Variants in NME8 observed in about 807,000 individuals in gnomAD.
The protein encoded by NME8 is protein NME8.
In NME8, 72 loss-of-function variants were observed where a neutral mutation model predicts 82.3. That is an observed-to-expected ratio of 0.87 (90% CI 0.72 to 1.06). The LOEUF is 1.06. Ranked by LOEUF, NME8 falls within the 50% of genes least tolerant of loss-of-function variation. The probability of loss-of-function intolerance (pLI) is 0.00; values close to 1 mark genes in which losing one functional copy is unlikely to be tolerated. For synonymous variants in NME8, 267 were observed against 228.5 expected, an observed-to-expected ratio of 1.17 and a Z score of -1.52; for missense variants, 712 against 685.4, an observed-to-expected ratio of 1.04 and a Z score of -0.43.
At chr7:37,873,276 C>G (rs1476119836) in intron 11 of NME8, among the ~76,000 whole-genome samples, 1 of 149,002 alleles carries the variant, frequency 6.7e-6, no homozygotes, top group East Asian at 2.0e-4. Context: ...AGGAGAATTG[C>G]TTGAACCCAG....
chr7:37,855,059 C>T (rs575435919), intron 5 of NME8, among the ~76,000 whole-genome samples: 6 of 152,222 alleles, frequency 3.9e-5, no homozygotes, highest in South Asian at 4.1e-4. Context: ...TAGAGTACCA[C>T]GTGTAATGAG....
At chr7:37,892,150 A>T (rs902587558) in intron 15 of NME8, among the ~76,000 whole-genome samples, 10 of 152,054 alleles carry the variant, frequency 6.6e-5, no homozygotes, top group African/African-American at 2.4e-4. Context: ...TTGCCAGAAG[A>T]AAGTGTTAAT....
At chr7:37,855,364 G>T (rs1784495383) in intron 5 of NME8, among the ~76,000 whole-genome samples, 1 of 152,104 alleles carries the variant, frequency 6.6e-6, no homozygotes, top group African/African-American at 2.4e-5. Context: ...CAAGGATTGG[G>T]GGTTAGCAGT....
chr7:37,891,703 C>T (rs776175467), intron 15 of NME8, among the ~76,000 whole-genome samples: 12 of 151,878 alleles, frequency 7.9e-5, no homozygotes, highest in Admixed American at 3.9e-4. Flanking sequence ...AAAGCCCCTT[C>T]CTCATCCTTC....
intron 16 of NME8, among the ~76,000 whole-genome samples, chr7:37,895,441 C>A (rs369522703): frequency 6.6e-6 from 1 of 152,044 alleles, no homozygotes; most frequent in Non-Finnish European, 1.5e-5. Context: ...AACATAGGAC[C>A]AGGGCTAGAA....
rs371392074 is a variant in NME8, at chr7:37,863,341, A to T, written c.388-55A>T. 5.8e-6 allele frequency: 6 copies of T among 1,030,928 alleles called. 1 individual carries two copies. Among genetic ancestry groups the T allele is most frequent in the South Asian group, 3.8e-5 (3 of 78,546 alleles). The allele number at this position is 1,030,928 out of a possible 1,614,324, so 63.9% of individuals were successfully genotyped here. On this transcript the variant is annotated intron_variant, in intron 7 of 17. Coordinates refer to ENST00000199447, the MANE Select transcript of NME8 (RefSeq NM_016616.5). The stretch of plus-strand genomic sequence containing the variant: ...ATACAAAATTTCTAAAAACCCACTC[A>T]CTATCATATTAAAACATAACTGTGT...
chr7:37,892,583 A>G (rs1785146313), intron 15 of NME8, among the ~76,000 whole-genome samples: 1 of 151,570 alleles, frequency 6.6e-6, no homozygotes, highest in South Asian at 2.1e-4. Flanking sequence ...TGTATCTATC[A>G]CTTTCCCTAT....
At chr7:37,854,767 C>G (rs1357451601) in intron 5 of NME8, among the ~76,000 whole-genome samples, 1 of 151,238 alleles carries the variant, frequency 6.6e-6, no homozygotes, top group Non-Finnish European at 1.5e-5. Flanking sequence ...TCTCTCAGCT[C>G]TTGGATTTCT....
chr7:37,867,912 C>G lies in NME8; in HGVS notation c.818+14C>G. Reference sequence around the variant, plus strand: ...CAAACAAGACAGGTATAGCTCAAGACCAGGAATTGTGTTACTTGCAATGTG... The same window carrying G: ...CAAACAAGACAGGTATAGCTCAAGAGCAGGAATTGTGTTACTTGCAATGTG... On this transcript the variant is annotated intron_variant, in intron 11 of 17. Coordinates refer to ENST00000199447, the MANE Select transcript of NME8 (RefSeq NM_016616.5). 6.2e-7 allele frequency: 1 copy of G among 1,610,674 alleles called. No individual in the cohort carries two copies. The highest frequency in any genetic ancestry group is 2.2e-5 in the East Asian group (1 of 44,686).
In NME8 at chr7:37,897,014, C is replaced by G. The variant is rs138317061; in HGVS notation, c.1689C>G (p.Asn563Lys). Reference protein sequence around the residue: ...RAQFGISKLKNIVHGASNAYE... With the variant: ...RAQFGISKLKKIVHGASNAYE... ...AGTTTGGAATAAGTAAATTGAAAAACATTGTCCATGGAGCATCTAACGCCT... is the reference window on the plus strand; with the variant it reads ...AGTTTGGAATAAGTAAATTGAAAAAGATTGTCCATGGAGCATCTAACGCCT... Residue 563 changes from asparagine to lysine, a missense_variant, in exon 17 of 18, where the codon AAC (asparagine) becomes AAG (lysine). Transcript: ENST00000199447. 2.5e-5 allele frequency: 40 copies of G among 1,613,928 alleles called. No individual in the cohort carries two copies. The African/African-American group carries it at 4.9e-4, about 20-fold the overall frequency.
intron 6 of NME8, among the ~76,000 whole-genome samples, chr7:37,859,842 A>C (rs902515091): frequency 8.5e-5 from 13 of 152,182 alleles, no homozygotes; most frequent in Non-Finnish European, 1.2e-4. Context: ...AACTTCATCG[A>C]ATCACTCCTG....
At chr7:37,864,578 A>G (rs1025403702) in intron 9 of NME8, among the ~76,000 whole-genome samples, 157 bp downstream of exon 9, 1 of 152,166 alleles carries the variant, frequency 6.6e-6, no homozygotes, top group African/African-American at 2.4e-5. Context: ...ATGTCTTTAC[A>G]AGGCTCGATC....
At chr7:37,871,939 C>G (rs541963507) in intron 11 of NME8, among the ~76,000 whole-genome samples, 67 of 152,232 alleles carry the variant, frequency 4.4e-4, no homozygotes, top group African/African-American at 1.6e-3. Flanking sequence ...GCAAAGCTTT[C>G]TTTCCTCTCC....
intron 14 of NME8, among the ~76,000 whole-genome samples, chr7:37,887,642 A>G (rs1785064368): frequency 6.6e-6 from 1 of 152,200 alleles, no homozygotes; most frequent in Non-Finnish European, 1.5e-5. Flanking sequence ...TTCACTGCAC[A>G]GGGCATCTAT....
At chr7:37,864,487 A>G (rs968061811) in intron 9 of NME8, 66 bp downstream of exon 9, 1 of 1,428,158 alleles carries the variant, frequency 7.0e-7, no homozygotes, top group African/African-American at 1.4e-5. Flanking sequence ...TCGTCAGTTC[A>G]AAGACAAGCG....
At chr7:37,870,245 T>TAAAA (rs34913943) in intron 11 of NME8, among the ~76,000 whole-genome samples, 236 of 145,286 alleles carry the variant, frequency 1.6e-3, no homozygotes, top group Non-Finnish European at 1.9e-3. Flanking sequence ...CTGATGAACT[T>TAAAA]AAAAAAAAAA....
At position 37,880,084 on chromosome 7, in the gene NME8, TTTG is replaced by T. The variant is rs199709627; in HGVS notation, c.994+3080_994+3082del. On this transcript the variant is annotated intron_variant, in intron 12 of 17. Transcript: ENST00000199447. ...CTCATTGTTGAGTAGAAAGGTTTTTTTTGTTTGTTTATTTTGAATACAAGTCTT... is the reference window on the plus strand; with the variant it reads ...CTCATTGTTGAGTAGAAAGGTTTTTTTTTGTTTATTTTGAATACAAGTCTT... Among the ~76,000 whole-genome samples, 566 of 135,162 alleles carry T rather than the reference TTTG, an allele frequency of 4.2e-3. 5 individuals are homozygous for T. The highest frequency in any genetic ancestry group is 0.012 in the African/African-American group (455 of 38,340). The allele number at this position is 135,162 out of a possible 152,430, so 88.7% of individuals were successfully genotyped here.
At chr7:37,871,141 TG>T (rs1319501676) in intron 11 of NME8, among the ~76,000 whole-genome samples, 1 of 152,182 alleles carries the variant, frequency 6.6e-6, no homozygotes. Context: ...GAGTGATTGG[TG>T]ACCCCTCTGC....
chr7:37,866,715 C>G (rs551544559), intron 10 of NME8, among the ~76,000 whole-genome samples: 10 of 152,280 alleles, frequency 6.6e-5, no homozygotes, highest in African/African-American at 2.2e-4. Flanking sequence ...GTATCTGAGA[C>G]AGGTTGCAAT....
Sources: gnomAD v4.1 joint callset for allele counts (sites outside exome capture counted in the v4.1 genomes callset) on GRCh38, gnomAD v4.1.1 for gene constraint, MANE v1.5 for transcripts, NCBI Gene and HGNC (gene_info 2026-07-23, HGNC 2026-07-21) for gene names.